Variants in SETD5 observed in about 807,000 individuals in gnomAD.
SETD5 encodes SET domain containing 5, also known as histone-lysine N-methyltransferase SETD5.
A neutral mutation model predicts 153.3 loss-of-function variants in SETD5; 44 were observed. The observed-to-expected ratio is 0.29, with a 90% confidence interval of 0.23 to 0.37. The LOEUF is 0.37. Ranked by LOEUF, SETD5 falls within the 10% of genes least tolerant of loss-of-function variation. SETD5 has a pLI of 1.00. For synonymous variants in SETD5, 716 were observed against 645.2 expected (o/e 1.11, Z -1.66); for missense variants, 1,544 against 1,768.0 (o/e 0.87, Z 2.27).
intron 1 of SETD5, among the ~76,000 whole-genome samples, chr3:9,408,144 T>TACGC (rs2125488362): frequency 1.3e-5 from 2 of 152,342 alleles, no homozygotes; most frequent in African/African-American, 4.8e-5. Context: ...TCATAAATTA[T>TACGC]ACGCTTACCA....
chr3:9,470,439 G>T lies in SETD5; in HGVS notation c.2725-20G>T. The T allele has an allele frequency of 6.3e-7, 1 of 1,593,400 alleles. No individual in the cohort carries two copies. The highest frequency in any genetic ancestry group is 8.6e-7 in the Non-Finnish European group (1 of 1,165,528). ...CCTTTCTCCCCTACCCCATGTCTCC[G>T]TTGATTTTTATTCTTTCAGCTTTGT... is the stretch of plus-strand genomic sequence containing the variant. On this transcript the variant is annotated intron_variant, in intron 18 of 22. Transcript: ENST00000402198.
Position 9,470,484 on chromosome 3 carries a change from T to C in SETD5, c.2750T>C (p.Leu917Ser). The C allele has an allele frequency of 6.2e-7, 1 of 1,611,654 alleles. No homozygotes were observed. The highest frequency in any genetic ancestry group is 8.5e-7 in the Non-Finnish European group (1 of 1,178,044). The change falls in exon 19 of 23, where the codon TTG (leucine) becomes TCG (serine). Residue 917 changes from leucine to serine, a missense_variant. Coordinates refer to ENST00000402198, the MANE Select transcript of SETD5 (RefSeq NM_001080517.3). Reference sequence around the variant, plus strand: ...CTTTGTCACCGAAAAGACCTGGATTTGGCAAAAGTAGGATACCTTGACTCC... The same window carrying C: ...CTTTGTCACCGAAAAGACCTGGATTCGGCAAAAGTAGGATACCTTGACTCC... ...FELCHRKDLD[L>S]AKVGYLDSNT...
In SETD5 at chr3:9,428,823, G is replaced by T; in HGVS notation, c.-116G>T. ...TAGATATTTTCCTTTTCTGTTACAG[G>T]ATTCCTCATGTCCATAACATGTTGG... On this transcript the variant is annotated splice_region_variant and 5_prime_UTR_variant, in exon 3 of 23. Transcript: ENST00000402198. 1.9e-6 allele frequency: 1 copy of T among 519,476 alleles called. No homozygotes were observed. Among genetic ancestry groups the T allele is most frequent in the Non-Finnish European group, 3.4e-6 (1 of 290,786 alleles). The allele number at this position is 519,476 out of a possible 1,614,324, so 32.2% of individuals were successfully genotyped here.
chr3:9,434,855 C>T lies in SETD5; in HGVS notation c.361C>T (p.His121Tyr). Residue 121 changes from histidine (H) to tyrosine (Y), a missense_variant, in exon 6 of 23, where the codon CAT (histidine) becomes TAT (tyrosine). Physicochemically the swap from His to Tyr is moderately conservative, Grantham distance 83 (BLOSUM62 2). Coordinates refer to ENST00000402198, the MANE Select transcript of SETD5 (RefSeq NM_001080517.3). This position sits in a 1 kb window ranked among gnomAD's most constrained non-coding sequence, Gnocchi z 5.6. ...GMSRGKVIRL[H>Y]RRKQDNISGG... ...GAGCAGGGGGAAGGTTATTAGACTTCATCGGCGGAAGCAGGACAACATATC... is the reference window on the plus strand; with the variant it reads ...GAGCAGGGGGAAGGTTATTAGACTTTATCGGCGGAAGCAGGACAACATATC... The T allele has an allele frequency of 1.9e-6, 3 of 1,613,542 alleles. No homozygotes were observed. The highest frequency in any genetic ancestry group is 2.5e-6 in the Non-Finnish European group (3 of 1,179,754).
At chr3:9,429,055 G>A (rs1264700896) in intron 3 of SETD5, 46 bp downstream of exon 3, 2 of 1,388,730 alleles carry the variant, frequency 1.4e-6, no homozygotes, top group East Asian at 2.3e-5. Context: ...AGTCTGTGTG[G>A]AGACAGCCTT....
intron 1 of SETD5, among the ~76,000 whole-genome samples, chr3:9,419,025 T>TGC (rs2037978596): frequency 6.6e-6 from 1 of 151,818 alleles, no homozygotes; most frequent in Non-Finnish European, 1.5e-5. Flanking sequence ...CGGGGTTTCA[T>TGC]CATCTTGGCC....
At chr3:9,469,933 C>T (rs545833508) in intron 18 of SETD5, among the ~76,000 whole-genome samples, 1 of 152,182 alleles carries the variant, frequency 6.6e-6, no homozygotes, top group East Asian at 1.9e-4. Context: ...ATGCCATCCT[C>T]CTTTACTGAA....
chr3:9,404,049 C>CT (rs2035264379), intron 1 of SETD5, among the ~76,000 whole-genome samples: 1 of 152,070 alleles, frequency 6.6e-6, no homozygotes, highest in Non-Finnish European at 1.5e-5. Context: ...TTTTAAAAGA[C>CT]TTTAATTTTT....
intron 2 of SETD5, among the ~76,000 whole-genome samples, chr3:9,425,359 G>A (rs1215130547): frequency 1.3e-5 from 2 of 151,822 alleles, no homozygotes; most frequent in East Asian, 1.9e-4. Context: ...CCACTGCACC[G>A]GGCTGACTTA....
At chr3:9,452,638 AT>A (rs1235128952) in intron 16 of SETD5, among the ~76,000 whole-genome samples, 1 of 144,638 alleles carries the variant, frequency 6.9e-6, no homozygotes, top group African/African-American at 2.6e-5. Flanking sequence ...GCCAGCCACA[AT>A]GACATTTGTA....
intron 1 of SETD5, among the ~76,000 whole-genome samples, chr3:9,402,702 A>G (rs1056623662): frequency 6.6e-6 from 1 of 152,202 alleles, no homozygotes; most frequent in Admixed American, 6.5e-5. Flanking sequence ...CATGTTAGTT[A>G]CATGTATACT....
intron 1 of SETD5, among the ~76,000 whole-genome samples, chr3:9,410,877 C>CTTTTTTTTTTTTTTTT (rs34787440): frequency 6.8e-6 from 1 of 146,118 alleles, no homozygotes; most frequent in South Asian, 2.2e-4. Flanking sequence ...TAAAAATTCT[C>CTTTTTTTTTTTTTTTT]TTTTTTTTTT....
chr3:9,410,348 T>C (rs1367045367), intron 1 of SETD5, among the ~76,000 whole-genome samples: 2 of 152,244 alleles, frequency 1.3e-5, no homozygotes, highest in Non-Finnish European at 2.9e-5. Flanking sequence ...TGGTCCATCC[T>C]TGACTGAAAT....
At chr3:9,441,481 G>T (rs556288349) in intron 8 of SETD5, 112 bp from the exon 9 acceptor site, 2 of 1,010,306 alleles carry the variant, frequency 2.0e-6, no homozygotes, top group East Asian at 2.5e-5. Context: ...TAAATAACAT[G>T]TACAGATAAA....
At chr3:9,440,990 T>C (rs2041210619) in intron 8 of SETD5, among the ~76,000 whole-genome samples, 1 of 152,156 alleles carries the variant, frequency 6.6e-6, no homozygotes, top group African/African-American at 2.4e-5. Context: ...GGTGGAAGGA[T>C]TGCTTGAGGC....
At chr3:9,460,113 T>C (rs372257924) in intron 17 of SETD5, among the ~76,000 whole-genome samples, 31 of 152,148 alleles carry the variant, frequency 2.0e-4, no homozygotes, top group South Asian at 8.3e-4. Context: ...TAATGTGTTA[T>C]CATGTACAAA....
intron 21 of SETD5, 161 bp downstream of exon 21, chr3:9,474,743 A>G (rs1437695262): frequency 3.1e-6 from 3 of 961,846 alleles, no homozygotes; most frequent in Admixed American, 2.6e-5. Context: ...GGGCTACCAC[A>G]TTTGTAAGAT....
At chr3:9,437,911 G>A (rs971970263) in intron 7 of SETD5, among the ~76,000 whole-genome samples, 10 of 151,716 alleles carry the variant, frequency 6.6e-5, no homozygotes, top group Non-Finnish European at 1.3e-4. Flanking sequence ...GCTGAGGCAG[G>A]AGAATCGCTT....
chr3:9,464,887 C>A (rs985036805), intron 18 of SETD5: 1 of 610,540 alleles, frequency 1.6e-6, no homozygotes, highest in Non-Finnish European at 2.8e-6. Flanking sequence ...ACTGCTACCA[C>A]AAATCCCATT....
Sources: gnomAD v4.1 joint callset for allele counts (sites outside exome capture counted in the v4.1 genomes callset) on GRCh38, gnomAD v4.1.1 for gene constraint, Gnocchi (gnomAD v3.1) non-coding constraint, MANE v1.5 for transcripts, NCBI Gene and HGNC (gene_info 2026-07-23, HGNC 2026-07-21) for gene names.